Variants in ATP7A observed in about 807,000 individuals in gnomAD.
ATP7A encodes ATPase copper transporting alpha, also known as copper-transporting ATPase 1.
Under a neutral mutation model 83.5 loss-of-function variants are expected in ATP7A, and 7 were observed. The ratio of observed to expected loss-of-function variants is 0.08; its 90% confidence interval spans 0.05 to 0.16. The LOEUF is 0.16. ATP7A is among the 10% of genes least tolerant of loss of function. ATP7A has a pLI of 1.00. For synonymous variants in ATP7A, 354 were observed against 395.2 expected (o/e 0.90, Z 1.24); for missense variants, 940 against 1,120.8 (o/e 0.84, Z 2.30).
chrX:77,995,288 G>C (rs2077695470), intron 4 of ATP7A, among the ~76,000 whole-genome samples: 1 of 111,607 alleles, frequency 9.0e-6, no homozygotes, highest in Non-Finnish European at 1.9e-5. Flanking sequence ...TGAGAAGCCA[G>C]ACGCAGTGGC....
intron 1 of ATP7A, among the ~76,000 whole-genome samples, chrX:77,932,393 C>G (rs868914489): frequency 9.4e-6 from 1 of 106,603 alleles, no homozygotes; most frequent in Non-Finnish European, 1.9e-5. Flanking sequence ...GGATGGCGGC[C>G]GGGCAGAGAC....
intron 9 of ATP7A, 94 bp downstream of exon 9, chrX:78,011,768 G>T: frequency 1.2e-6 from 1 of 834,627 alleles, no homozygotes; most frequent in Non-Finnish European, 1.8e-6. Context: ...ACTGATGTTA[G>T]CTAGAAGTCT....
intron 5 of ATP7A, among the ~76,000 whole-genome samples, chrX:78,000,768 G>A (rs924703638): frequency 1.8e-5 from 2 of 109,793 alleles, no homozygotes; most frequent in Admixed American, 9.9e-5. Context: ...GGGTTCAAGC[G>A]ATTTTCCTGC....
At position 77,988,481 on chromosome X, in the gene ATP7A, T is replaced by C; in HGVS notation, c.360T>C (p.Pro120=). 8.3e-7 allele frequency: 1 copy of C among 1,211,358 alleles called. No individual in the cohort carries two copies. Among genetic ancestry groups the C allele is most frequent in the Non-Finnish European group, 1.1e-6 (1 of 895,384 alleles). Residue 120 remains proline (P), a synonymous_variant, in exon 3 of 23, where the codon CCT becomes CCC. Coordinates refer to ENST00000341514, the MANE Select transcript of ATP7A (RefSeq NM_000052.7). ...TKGVTDIKIY[P]QKRTVAVTII... The stretch of plus-strand genomic sequence containing the variant: ...GTGTGACAGACATTAAAATTTACCC[T>C]CAGAAAAGAACTGTAGCAGTGACAA...
intron 1 of ATP7A, among the ~76,000 whole-genome samples, chrX:77,928,079 A>G (rs1557223803): frequency 9.1e-6 from 1 of 110,434 alleles, no homozygotes; most frequent in African/African-American, 3.3e-5. Context: ...CTCCTACCTC[A>G]GCCTCACGAG....
chrX:77,911,988 C>T (rs1477459399), intron 1 of ATP7A, among the ~76,000 whole-genome samples: 1 of 112,014 alleles, frequency 8.9e-6, no homozygotes, highest in African/African-American at 3.2e-5. Flanking sequence ...CAATTGAGTC[C>T]GAATTGAGTC....
intron 2 of ATP7A, among the ~76,000 whole-genome samples, chrX:77,985,028 A>ATT (rs1305834356): frequency 9.3e-6 from 1 of 107,061 alleles, no homozygotes; most frequent in Admixed American, 1.0e-4. Flanking sequence ...TGACAAAGTG[A>ATT]TTTTTTTTTT....
At chrX:78,043,166 T>C in intron 20 of ATP7A, 151 bp from the exon 21 acceptor site, 1 of 544,385 alleles carries the variant, frequency 1.8e-6, no homozygotes, top group Non-Finnish European at 3.0e-6. Flanking sequence ...CTTCGGAAGC[T>C]GAGTCTAAGT....
intron 1 of ATP7A, among the ~76,000 whole-genome samples, chrX:77,946,239 G>A (rs915531024): frequency 9.3e-6 from 1 of 106,983 alleles, no homozygotes; most frequent in African/African-American, 3.4e-5. Flanking sequence ...GAGGCAGATC[G>A]CAGTGAGCCG....
At chrX:78,019,153 G>C (rs2077888532) in intron 12 of ATP7A, among the ~76,000 whole-genome samples, 1 of 112,079 alleles carries the variant, frequency 8.9e-6, no homozygotes, top group Admixed American at 9.5e-5. Context: ...AAAGGAAGTT[G>C]TCTCAGTTTC....
chrX:77,916,368 A>G (rs868954554), intron 1 of ATP7A, among the ~76,000 whole-genome samples: 18 of 108,853 alleles, frequency 1.7e-4, no homozygotes, highest in South Asian at 3.9e-4. Context: ...AAAAAAAAAA[A>G]AAAGAAAAAA....
At chrX:77,953,530 A>C (rs1452300630) in intron 1 of ATP7A, among the ~76,000 whole-genome samples, 1 of 112,148 alleles carries the variant, frequency 8.9e-6, no homozygotes, top group African/African-American at 3.2e-5. Flanking sequence ...TCCTGAGATA[A>C]TGATAGCTGC....
chrX:77,974,774 A>G, intron 2 of ATP7A: 1 of 295,426 alleles, frequency 3.4e-6, no homozygotes, highest in Non-Finnish European at 5.9e-6. Context: ...ACACTGATTG[A>G]TTTTCAAATG....
At chrX:77,959,007 C>G (rs1432376872) in intron 1 of ATP7A, among the ~76,000 whole-genome samples, 2 of 109,825 alleles carry the variant, frequency 1.8e-5, no homozygotes, top group Non-Finnish European at 3.8e-5. Context: ...AGGCTGGTCT[C>G]GAACTCCTGA....
At chrX:78,002,267 A>C (rs1162254349) in intron 5 of ATP7A, among the ~76,000 whole-genome samples, 1 of 96,999 alleles carries the variant, frequency 1.0e-5, no homozygotes, top group African/African-American at 3.8e-5. Context: ...TTTTTTGTAG[A>C]GACAGGGTTT....
intron 7 of ATP7A, among the ~76,000 whole-genome samples, chrX:78,010,413 A>C (rs1343380523): frequency 9.0e-6 from 1 of 111,678 alleles, no homozygotes; most frequent in East Asian, 2.8e-4. Flanking sequence ...AATGTGTATT[A>C]CTATCTATGG....
chrX:77,969,509 C>T, intron 1 of ATP7A: 2 of 1,210,816 alleles, frequency 1.7e-6, no homozygotes, highest in Non-Finnish European at 2.2e-6. Context: ...TCTCGTAGCG[C>T]CTGCCCGCCG....
chrX:77,958,986 C>G (rs1176429884), intron 1 of ATP7A, among the ~76,000 whole-genome samples: 1 of 109,396 alleles, frequency 9.1e-6, no homozygotes, highest in Non-Finnish European at 1.9e-5. Flanking sequence ...TAGGGTTTCT[C>G]CATGTTGGCC....
intron 4 of ATP7A, among the ~76,000 whole-genome samples, chrX:77,997,306 G>GC (rs2077710571): frequency 8.9e-6 from 1 of 112,538 alleles, no homozygotes; most frequent in Non-Finnish European, 1.9e-5. Context: ...GTCAGAACCT[G>GC]CATTTTAACA....
Sources: gnomAD v4.1 joint callset for allele counts (sites outside exome capture counted in the v4.1 genomes callset) on GRCh38, gnomAD v4.1.1 for gene constraint, MANE v1.5 for transcripts, NCBI Gene and HGNC (gene_info 2026-07-23, HGNC 2026-07-21) for gene names.